The following SPMIP8 variants were observed in gnomAD, a reference collection of about 807,000 sequenced individuals.
SPMIP8 encodes the protein sperm microtubule inner protein 8, also known as testicular tissue protein Li 196.
chr16:57,979,092 C>T, the SPMIP8 span, among the ~76,000 whole-genome samples: 2 of 152,198 alleles, frequency 1.3e-5, no homozygotes, highest in African/African-American at 4.8e-5. Context: ...CAAAAGAGCC[C>T]CACGGGCCTA....
At chr16:57,983,274 T>A in the SPMIP8 span, among the ~76,000 whole-genome samples, 2 of 152,110 alleles carry the variant, frequency 1.3e-5, no homozygotes, top group Non-Finnish European at 2.9e-5. Flanking sequence ...CGAGCCACCA[T>A]ACCTGGCATT....
chr16:57,986,487 C>T, the SPMIP8 span: 1 of 152,350 alleles, frequency 6.6e-6, no homozygotes, highest in Non-Finnish European at 1.5e-5. Flanking sequence ...CTAGACTCCC[C>T]CGAAACCCAG....
the SPMIP8 span, among the ~76,000 whole-genome samples, chr16:57,977,207 C>T: frequency 7.2e-5 from 11 of 151,818 alleles, no homozygotes; most frequent in Non-Finnish European, 1.2e-4. Flanking sequence ...GTCAGGAGTT[C>T]GAGACCAGCC....
chr16:57,985,223 T>C, the SPMIP8 span: 29 of 1,547,226 alleles, frequency 1.9e-5, no homozygotes, highest in South Asian at 3.1e-4. Context: ...TCTCAGCGGC[T>C]ACGCGGTGCG....
At chr16:57,977,696 G>A in the SPMIP8 span, 4 of 1,117,228 alleles carry the variant, frequency 3.6e-6, no homozygotes, top group Non-Finnish European at 5.2e-6. Flanking sequence ...CACACAGTAG[G>A]TGCTAAATAA....
At chr16:57,980,366 C>A in the SPMIP8 span, among the ~76,000 whole-genome samples, 4 of 152,206 alleles carry the variant, frequency 2.6e-5, no homozygotes, top group Non-Finnish European at 4.4e-5. Context: ...GGAGACTTAA[C>A]CTTTAAATGT....
At chr16:57,981,285 C>G in the SPMIP8 span, among the ~76,000 whole-genome samples, 1 of 150,436 alleles carries the variant, frequency 6.6e-6, no homozygotes, top group South Asian at 2.1e-4. Context: ...GAGACTGAGA[C>G]AGGAGAATTG....
chr16:57,981,392 A>ATTATTATTATTATTATT, the SPMIP8 span, among the ~76,000 whole-genome samples: 102 of 83,580 alleles, frequency 1.2e-3, no homozygotes, highest in East Asian at 7.5e-3. Context: ...TAATAATAAT[A>ATTATTATTATTATTATT]ATTATTATTA....
chr16:57,980,983 G>A, the SPMIP8 span, among the ~76,000 whole-genome samples: 202 of 152,280 alleles, frequency 1.3e-3, 1 homozygote, highest in African/African-American at 4.7e-3. Context: ...CCGAAGTGTT[G>A]GAATTACAGG....
the SPMIP8 span, chr16:57,977,965 G>A: frequency 3.7e-6 from 6 of 1,614,020 alleles, no homozygotes; most frequent in East Asian, 4.5e-5. Flanking sequence ...CCCACCCTGC[G>A]CCACATGGAC....
chr16:57,984,983 C>T, the SPMIP8 span, among the ~76,000 whole-genome samples: 1 of 152,082 alleles, frequency 6.6e-6, no homozygotes, highest in Non-Finnish European at 1.5e-5. Flanking sequence ...GCGCGCGGAT[C>T]TGGAGGCAGG....
At chr16:57,981,389 AATAATTATT>A in the SPMIP8 span, among the ~76,000 whole-genome samples, 1 of 132,912 alleles carries the variant, frequency 7.5e-6, no homozygotes, top group African/African-American at 2.8e-5. Context: ...CAATAATAAT[AATAATTATT>A]ATTATTATAA....
the SPMIP8 span, chr16:57,977,699 C>A: frequency 8.6e-7 from 1 of 1,163,776 alleles, no homozygotes; most frequent in Non-Finnish European, 1.2e-6. Flanking sequence ...ACAGTAGGTG[C>A]TAAATAAATG....
At chr16:57,982,864 T>C in the SPMIP8 span, among the ~76,000 whole-genome samples, 1 of 152,018 alleles carries the variant, frequency 6.6e-6, no homozygotes, top group Non-Finnish European at 1.5e-5. Context: ...ACCCCATCTC[T>C]ACTAAAAATA....
chr16:57,978,500 A>G, the SPMIP8 span, among the ~76,000 whole-genome samples: 2 of 151,878 alleles, frequency 1.3e-5, no homozygotes, highest in African/African-American at 4.8e-5. Context: ...AGATCACATC[A>G]CTGCACTCCA....
At chr16:57,987,397 C>T in the SPMIP8 span, 19 of 1,596,770 alleles carry the variant, frequency 1.2e-5, 1 homozygote, top group South Asian at 1.1e-4. Flanking sequence ...TCTCCACAGT[C>T]GTGTCAACTA....
At chr16:57,987,592 T>A in the SPMIP8 span, 2 of 738,418 alleles carry the variant, frequency 2.7e-6, no homozygotes, top group Non-Finnish European at 3.9e-6. Flanking sequence ...TCTGTCTGTG[T>A]GTGTTGCACA....
the SPMIP8 span, chr16:57,976,555 A>G: frequency 2.5e-6 from 4 of 1,614,022 alleles, no homozygotes; most frequent in African/African-American, 1.3e-5. Context: ...TCTTCTGCCC[A>G]TTGAGCAGTC....
chr16:57,986,093 G>A, the SPMIP8 span: 91 of 932,050 alleles, frequency 9.8e-5, no homozygotes, highest in Non-Finnish European at 1.3e-4. Context: ...GAGCTGCTTC[G>A]CTCTGGAGAG....
Sources: allele counts gnomAD v4.1 joint callset (sites outside exome capture counted in the v4.1 genomes callset), GRCh38; gene constraint gnomAD v4.1.1; transcripts MANE v1.5; gene names NCBI Gene and HGNC (gene_info 2026-07-23, HGNC 2026-07-21).